Variants in AGBL4 observed in about 807,000 individuals in gnomAD.
AGBL4 encodes the protein AGBL carboxypeptidase 4.
In AGBL4, 58 loss-of-function variants were observed where a neutral mutation model predicts 66.4. The observed-to-expected ratio is 0.87, with a 90% CI of 0.71 to 1.09. The LOEUF (loss-of-function observed/expected upper bound fraction) is 1.09, where lower values mean the gene tolerates loss of function less well. Ranked by LOEUF, AGBL4 falls within the 50% of genes least tolerant of loss-of-function variation. The pLI, the probability that AGBL4 is intolerant of heterozygous loss-of-function variation, is 0.00. For missense variants in AGBL4, 579 were observed against 631.0 expected, an observed-to-expected ratio of 0.92 and a Z score of 0.88; for synonymous variants, 234 against 222.9, an observed-to-expected ratio of 1.05 and a Z score of -0.44.
intron 6 of AGBL4, among the ~76,000 whole-genome samples, chr1:48,696,291 A>G (rs1237912263): frequency 6.6e-6 from 1 of 152,110 alleles, no homozygotes; most frequent in African/African-American, 2.4e-5. Flanking sequence ...ATTTTTCCAA[A>G]GCACTATTAC....
At chr1:49,963,159 T>C (rs989567495) in intron 1 of AGBL4, among the ~76,000 whole-genome samples, 1 of 152,090 alleles carries the variant, frequency 6.6e-6, no homozygotes, top group Admixed American at 6.6e-5. Flanking sequence ...GTAACAAAAA[T>C]AATTTTATTG....
chr1:48,557,610 G>A (rs903008083), intron 11 of AGBL4, among the ~76,000 whole-genome samples: 3 of 152,180 alleles, frequency 2.0e-5, no homozygotes, highest in African/African-American at 7.2e-5. Context: ...TGTGAAGGAA[G>A]CAATGGCTCT....
chr1:48,899,210 C>T (rs116803496), intron 5 of AGBL4, among the ~76,000 whole-genome samples: 2,440 of 152,280 alleles, frequency 0.016, 66 homozygotes, highest in African/African-American at 0.051. Context: ...CTCAGTGCCG[C>T]GGGGCGGGCG....
chr1:48,625,640 G>A (rs1645491695), intron 9 of AGBL4, among the ~76,000 whole-genome samples: 1 of 152,148 alleles, frequency 6.6e-6, no homozygotes, highest in African/African-American at 2.4e-5. Context: ...TTTACAAACA[G>A]GGGAACTGAG....
At chr1:49,376,879 T>G (rs1644483302) in intron 3 of AGBL4, among the ~76,000 whole-genome samples, 1 of 152,104 alleles carries the variant, frequency 6.6e-6, no homozygotes, top group Non-Finnish European at 1.5e-5. Context: ...CTCGCCCATA[T>G]TGTTTATGCT....
At chr1:49,643,872 G>A (rs1344342333) in intron 3 of AGBL4, among the ~76,000 whole-genome samples, 3 of 151,648 alleles carry the variant, frequency 2.0e-5, no homozygotes, top group South Asian at 2.1e-4. Flanking sequence ...ATAAAAGTCC[G>A]AATCTAAACA....
chr1:48,948,372 T>G (rs2148924126), intron 5 of AGBL4, among the ~76,000 whole-genome samples: 1 of 152,338 alleles, frequency 6.6e-6, no homozygotes, highest in East Asian at 1.9e-4. Context: ...AGCGACAGCC[T>G]GCCTGCTGCA....
intron 3 of AGBL4, among the ~76,000 whole-genome samples, chr1:49,247,006 C>T (rs1010987676): frequency 3.3e-5 from 5 of 151,916 alleles, no homozygotes; most frequent in Admixed American, 3.3e-4. Flanking sequence ...AATATTAACA[C>T]CCTCATTTAA....
chr1:49,344,955 G>A (rs992529737), intron 3 of AGBL4, among the ~76,000 whole-genome samples: 2 of 152,148 alleles, frequency 1.3e-5, no homozygotes, highest in African/African-American at 4.8e-5. Flanking sequence ...GACTTATGGT[G>A]ATCTGGGATT....
chr1:48,742,116 C>T (rs1650009378), intron 6 of AGBL4, among the ~76,000 whole-genome samples: 1 of 152,224 alleles, frequency 6.6e-6, no homozygotes, highest in African/African-American at 2.4e-5. Flanking sequence ...TTGAAGGAGG[C>T]TTGGGGATAA....
chr1:48,968,991 C>T (rs576966442), intron 5 of AGBL4, among the ~76,000 whole-genome samples: 3 of 152,128 alleles, frequency 2.0e-5, no homozygotes, highest in Admixed American at 6.5e-5. Flanking sequence ...TAAATTCAAA[C>T]ATGTGTCTTG....
intron 4 of AGBL4, among the ~76,000 whole-genome samples, chr1:49,192,257 T>A (rs1462415794): frequency 6.6e-6 from 1 of 152,198 alleles, no homozygotes; most frequent in African/African-American, 2.4e-5. Flanking sequence ...TATATATTTG[T>A]TTTATATTTA....
At chr1:49,568,253 G>A (rs373113129) in intron 3 of AGBL4, among the ~76,000 whole-genome samples, 12 of 152,064 alleles carry the variant, frequency 7.9e-5, no homozygotes, top group African/African-American at 2.9e-4. Context: ...CATAGTCTTG[G>A]ACCAAAAGCT....
intron 4 of AGBL4, among the ~76,000 whole-genome samples, chr1:49,186,767 A>T (rs541229743): frequency 6.6e-6 from 1 of 152,336 alleles, no homozygotes; most frequent in Admixed American, 6.5e-5. Context: ...TATAAAGATA[A>T]TAGAAAAACA....
chr1:48,726,569 G>A (rs1196766441), intron 6 of AGBL4, among the ~76,000 whole-genome samples: 1 of 152,094 alleles, frequency 6.6e-6, no homozygotes, highest in Non-Finnish European at 1.5e-5. Context: ...TATCCACACG[G>A]CCTATGAGGT....
intron 3 of AGBL4, among the ~76,000 whole-genome samples, chr1:49,511,826 T>G (rs1401012758): frequency 1.3e-5 from 2 of 151,894 alleles, no homozygotes; most frequent in Non-Finnish European, 2.9e-5. Context: ...GACAGTTGAC[T>G]CTCCTTTTTA....
chr1:49,492,617 G>A (rs182077227), intron 3 of AGBL4, among the ~76,000 whole-genome samples: 1 of 152,020 alleles, frequency 6.6e-6, no homozygotes, highest in African/African-American at 2.4e-5. Flanking sequence ...CAGATTTCAA[G>A]ACCATATTTG....
At chr1:49,133,382 C>A (rs1220013719) in intron 4 of AGBL4, among the ~76,000 whole-genome samples, 3 of 152,014 alleles carry the variant, frequency 2.0e-5, no homozygotes, top group Admixed American at 1.3e-4. Context: ...GCACATGTAT[C>A]CCAGAACTTA....
rs961924443 is a variant in AGBL4 at position 49,010,561 on chromosome 1, C to T, written c.594+35023G>A. 3.9e-4 allele frequency among the ~76,000 whole-genome samples: 55 copies of T among 139,466 alleles called. 1 individual carries two copies. Among genetic ancestry groups the T allele is most frequent in the Middle Eastern group, 3.5e-3 (1 of 282 alleles). The allele number at this position is 139,466 out of a possible 152,430, so 91.5% of individuals were successfully genotyped here. ...GTTCATATGGAACCAAAAAAGAGCTCGCATCGCCAAGTCAATCCTAAGCCA... is the reference window on the plus strand; with the variant it reads ...GTTCATATGGAACCAAAAAAGAGCTTGCATCGCCAAGTCAATCCTAAGCCA... On this transcript the variant is annotated intron_variant, in intron 5 of 13. Coordinates refer to ENST00000371839, the MANE Select transcript of AGBL4 (RefSeq NM_032785.4).
Sources: gnomAD v4.1 joint callset for allele counts (sites outside exome capture counted in the v4.1 genomes callset) on GRCh38, gnomAD v4.1.1 for gene constraint, MANE v1.5 for transcripts, NCBI Gene and HGNC (gene_info 2026-07-23, HGNC 2026-07-21) for gene names.